DACH1: variants seen among roughly 807,000 people sequenced by gnomAD.
DACH1 encodes the protein dachshund family transcription factor 1, also known as dachshund homolog 1.
In DACH1, 12 loss-of-function variants were observed where a neutral mutation model predicts 54.2. The ratio of observed to expected loss-of-function variants is 0.22; its 90% confidence interval spans 0.14 to 0.36. The LOEUF (loss-of-function observed/expected upper bound fraction) is 0.36, where lower values mean the gene tolerates loss of function less well. Ranked by LOEUF, DACH1 falls within the 10% of genes least tolerant of loss-of-function variation. The pLI is 1.00. For missense variants in DACH1, 805 were observed against 929.8 expected, an observed-to-expected ratio of 0.87 and a Z score of 1.75; for synonymous variants, 386 against 366.2, an observed-to-expected ratio of 1.05 and a Z score of -0.62.
At chr13:71,753,625 A>G (rs1260459278) in intron 1 of DACH1, among the ~76,000 whole-genome samples, 1 of 152,232 alleles carries the variant, frequency 6.6e-6, no homozygotes, top group Non-Finnish European at 1.5e-5. Flanking sequence ...AGTATGAAGA[A>G]AATTGCCCTC....
intron 1 of DACH1, among the ~76,000 whole-genome samples, chr13:71,806,435 A>G (rs1431147665): frequency 1.3e-5 from 2 of 152,210 alleles, no homozygotes; most frequent in Non-Finnish European, 2.9e-5. Context: ...GTGAGAGAAC[A>G]TAAGCTGACA....
chr13:71,455,020 G>T lies in DACH1; in HGVS notation c.2084-14328C>A, dbSNP rs749989152. On this transcript the variant is annotated intron_variant, in intron 10 of 10. Transcript: ENST00000613252. ...TTTCTTCTGAAATACAGAGAAGATTGCTAACATAATTCCAGATCATGTGAA... is the reference window on the plus strand; with the variant it reads ...TTTCTTCTGAAATACAGAGAAGATTTCTAACATAATTCCAGATCATGTGAA... Among the ~76,000 whole-genome samples the T allele has an allele frequency of 4.2e-4, 64 of 152,224 alleles. 1 individual carries two copies. The highest frequency in any genetic ancestry group is 6.3e-4 in the Non-Finnish European group (43 of 68,016).
chr13:71,803,027 T>C, intron 1 of DACH1, among the ~76,000 whole-genome samples: 1 of 152,172 alleles, frequency 6.6e-6, no homozygotes, highest in East Asian at 1.9e-4. Context: ...AAAATGTTTG[T>C]CATAATAACT....
intron 1 of DACH1, among the ~76,000 whole-genome samples, chr13:71,718,324 C>T (rs373152200): frequency 8.5e-5 from 13 of 152,138 alleles, no homozygotes; most frequent in South Asian, 8.3e-4. Context: ...CTGGCTCACA[C>T]GTGCAATCCC....
intron 2 of DACH1, among the ~76,000 whole-genome samples, chr13:71,654,472 A>AATAAAATAAAAT (rs1566409184): frequency 1.6e-5 from 2 of 127,500 alleles, no homozygotes; most frequent in Admixed American, 8.4e-5. Context: ...AATAAAATAA[A>AATAAAATAAAAT]ATAAAATAAA....
intron 1 of DACH1, among the ~76,000 whole-genome samples, chr13:71,834,619 G>A (rs1177581801): frequency 6.6e-6 from 1 of 151,892 alleles, no homozygotes; most frequent in African/African-American, 2.4e-5. Flanking sequence ...TTGCCTCGCC[G>A]CACCCCGCTG....
intron 2 of DACH1, among the ~76,000 whole-genome samples, chr13:71,653,654 T>G (rs533329154): frequency 1.3e-5 from 2 of 152,328 alleles, no homozygotes; most frequent in East Asian, 3.9e-4. Context: ...AAACAAAGCC[T>G]AGGTTTGAAT....
rs1334289711 is a variant in DACH1 at position 71,573,540 on chromosome 13, A to G, written c.1127-528T>C. ...AGGTCCCTGGGATGGGGAAGAGGGC[A>G]GTGTTTCCTTATCCCAGGAACCATC... On this transcript the variant is annotated intron_variant, in intron 3 of 10. Coordinates refer to ENST00000613252, the MANE Select transcript of DACH1 (RefSeq NM_080759.6). 1.2e-5 allele frequency: 8 copies of G among 649,724 alleles called. No homozygotes were observed. The African/African-American group carries it at 1.5e-4, about 12-fold the overall frequency. 40.2% of individuals were successfully genotyped at this position (649,724 alleles called of 1,614,324 possible).
rs376587735 is a variant in DACH1 at position 71,479,350 on chromosome 13, T to G, written c.1723-34A>C. The G allele has an allele frequency of 5.7e-6, 9 of 1,582,898 alleles. No individual in the cohort carries two copies. In the Admixed American group the frequency reaches 7.7e-5, roughly 13 times the overall value. ...AGAAGATATTCGGAATGGTAATATTTTAATACAAAGCAAATTTCGTTCATT... is the reference window on the plus strand; with the variant it reads ...AGAAGATATTCGGAATGGTAATATTGTAATACAAAGCAAATTTCGTTCATT... On this transcript the variant is annotated intron_variant, in intron 7 of 10. Transcript: ENST00000613252.
chr13:71,660,454 A>G (rs1879414724), intron 2 of DACH1, among the ~76,000 whole-genome samples: 1 of 152,118 alleles, frequency 6.6e-6, no homozygotes, highest in Non-Finnish European at 1.5e-5. Context: ...AATACAACAC[A>G]AAATCATTCT....
chr13:71,608,015 T>C (rs1381294276), intron 3 of DACH1, among the ~76,000 whole-genome samples: 1 of 151,820 alleles, frequency 6.6e-6, no homozygotes, highest in South Asian at 2.1e-4. Flanking sequence ...ATGAGAAAGA[T>C]GTAGATTATG....
intron 1 of DACH1, among the ~76,000 whole-genome samples, chr13:71,827,228 A>G (rs61956391): frequency 6.6e-6 from 1 of 152,048 alleles, no homozygotes; most frequent in Non-Finnish European, 1.5e-5. Flanking sequence ...CCAATATCTA[A>G]GAAGGCAATA....
intron 2 of DACH1, among the ~76,000 whole-genome samples, chr13:71,646,329 C>T (rs1030701267): frequency 1.3e-5 from 2 of 149,606 alleles, no homozygotes; most frequent in African/African-American, 4.9e-5. Flanking sequence ...CAGAGCAAAA[C>T]TCCGTCTCAA....
At chr13:71,830,171 A>G (rs1888529804) in intron 1 of DACH1, among the ~76,000 whole-genome samples, 1 of 151,900 alleles carries the variant, frequency 6.6e-6, no homozygotes, top group Non-Finnish European at 1.5e-5. Flanking sequence ...CACCTACAAC[A>G]CTAACAGATT....
intron 1 of DACH1, among the ~76,000 whole-genome samples, chr13:71,712,636 A>G (rs2138781862): frequency 6.6e-6 from 1 of 152,278 alleles, no homozygotes; most frequent in Non-Finnish European, 1.5e-5. Flanking sequence ...CATGTACGAC[A>G]TGCTGGCCTA....
At chr13:71,786,575 A>G (rs181596496) in intron 1 of DACH1, among the ~76,000 whole-genome samples, 1 of 152,194 alleles carries the variant, frequency 6.6e-6, no homozygotes, top group Non-Finnish European at 1.5e-5. Context: ...AATGGCATAC[A>G]TTTCAGTATT....
At chr13:71,466,499 TC>T (rs1398022447) in intron 10 of DACH1, among the ~76,000 whole-genome samples, 2 of 152,152 alleles carry the variant, frequency 1.3e-5, no homozygotes, top group Non-Finnish European at 2.9e-5. Flanking sequence ...GTAATTTATC[TC>T]CCGAACTCTC....
chr13:71,751,333 T>G (rs140226965), intron 1 of DACH1, among the ~76,000 whole-genome samples: 141 of 152,352 alleles, frequency 9.3e-4, no homozygotes, highest in African/African-American at 3.2e-3. Context: ...ACAACAGCTA[T>G]GACAGCACCT....
In DACH1 at chr13:71,440,513, T is replaced by G; in HGVS notation, c.*142A>C. 1 of 579,236 alleles carries G rather than the reference T, an allele frequency of 1.7e-6. No homozygotes were observed. Among genetic ancestry groups the G allele is most frequent in the Non-Finnish European group, 3.0e-6 (1 of 337,518 alleles). 35.9% of individuals were successfully genotyped at this position (579,236 alleles called of 1,614,324 possible). ...GAAAACTTTTTTTTTTTTTGTAGAA[T>G]ACTTAAACTTTTAAAGAACATTAAT... On this transcript the variant is annotated 3_prime_UTR_variant, in exon 11 of 11. Coordinates refer to ENST00000613252, the MANE Select transcript of DACH1 (RefSeq NM_080759.6).
Sources: gnomAD v4.1 joint callset for allele counts (sites outside exome capture counted in the v4.1 genomes callset) on GRCh38, gnomAD v4.1.1 for gene constraint, MANE v1.5 for transcripts, NCBI Gene and HGNC (gene_info 2026-07-23, HGNC 2026-07-21) for gene names.